Variants in TENM2 observed in about 807,000 individuals in gnomAD.
TENM2 encodes teneurin transmembrane protein 2, also known as teneurin-2.
Under a neutral mutation model 245.2 loss-of-function variants are expected in TENM2, and 52 were observed. The ratio of observed to expected loss-of-function variants is 0.21; its 90% CI spans 0.17 to 0.27. The LOEUF is 0.27. Among genes scored for constraint, TENM2 ranks in the 10% least tolerant of loss-of-function variants. The pLI is 1.00. For missense variants in TENM2, 3,046 were observed against 3,666.8 expected (o/e 0.83, Z 4.37); for synonymous variants, 1,363 against 1,438.9 (o/e 0.95, Z 1.19).
chr5:167,924,161 A>G (rs1777575251), intron 3 of TENM2, among the ~76,000 whole-genome samples: 1 of 152,204 alleles, frequency 6.6e-6, no homozygotes. Context: ...CCCCACATCC[A>G]AACATCAGTC....
chr5:167,468,972 G>A (rs998917098), intron 2 of TENM2, among the ~76,000 whole-genome samples: 9 of 152,072 alleles, frequency 5.9e-5, no homozygotes, highest in Non-Finnish European at 4.4e-5. Flanking sequence ...AAACATCTCT[G>A]TCTTCCTGAA....
intron 11 of TENM2, 38 bp from the exon 14 acceptor site, chr5:168,126,716 G>C (rs780785573): frequency 6.5e-7 from 1 of 1,548,910 alleles, no homozygotes; most frequent in Non-Finnish European, 8.8e-7. Flanking sequence ...GGTTTCACCA[G>C]CTGTGGTGTT....
intron 2 of TENM2, among the ~76,000 whole-genome samples, chr5:167,511,460 T>A (rs1277542919): frequency 6.6e-6 from 1 of 152,220 alleles, no homozygotes; most frequent in East Asian, 1.9e-4. Flanking sequence ...TCACCCTTAA[T>A]GCTTGTTTGC....
intron 17 of TENM2, among the ~76,000 whole-genome samples, chr5:168,201,792 C>G (rs1238739434): frequency 6.6e-6 from 1 of 152,160 alleles, no homozygotes; most frequent in Non-Finnish European, 1.5e-5. Flanking sequence ...CTCTCTCTCT[C>G]TAACCTTTAT....
chr5:167,929,299 T>C (rs1436109349), intron 3 of TENM2, among the ~76,000 whole-genome samples: 8 of 152,046 alleles, frequency 5.3e-5, no homozygotes, highest in South Asian at 4.1e-4. Flanking sequence ...GGATGATTCC[T>C]AGACTGTTTA....
At chr5:167,147,846 A>G in the TENM2 span, among the ~76,000 whole-genome samples, 1 of 152,202 alleles carries the variant, frequency 6.6e-6, no homozygotes, top group Admixed American at 6.6e-5. Context: ...ATAAACACCA[A>G]AAGTCATGAT....
chr5:167,403,564 CA>C (rs1762476734), intron 2 of TENM2, among the ~76,000 whole-genome samples: 2 of 152,008 alleles, frequency 1.3e-5, no homozygotes, highest in Non-Finnish European at 2.9e-5. Flanking sequence ...ATAGACAGAA[CA>C]AAAAACTTTT....
chr5:167,072,422 A>G, the TENM2 span, among the ~76,000 whole-genome samples: 3 of 152,068 alleles, frequency 2.0e-5, no homozygotes, highest in Non-Finnish European at 4.4e-5. Flanking sequence ...GTTGGTGCGG[A>G]GGGCAGGGAA....
At chr5:167,482,570 G>T (rs1295471601) in intron 2 of TENM2, among the ~76,000 whole-genome samples, 1 of 151,986 alleles carries the variant, frequency 6.6e-6, no homozygotes, top group Admixed American at 6.6e-5. Context: ...TGGATAACAC[G>T]CCCTAATTTT....
chr5:167,697,045 A>G (rs879623281), intron 2 of TENM2, among the ~76,000 whole-genome samples: 1 of 152,174 alleles, frequency 6.6e-6, no homozygotes, highest in Non-Finnish European at 1.5e-5. Context: ...TCTTCCTTCC[A>G]GCCCTTACCC....
chr5:167,447,200 A>G (rs529998175), intron 2 of TENM2, among the ~76,000 whole-genome samples: 21 of 152,322 alleles, frequency 1.4e-4, no homozygotes, highest in Non-Finnish European at 2.6e-4. Flanking sequence ...CTCAATTTCT[A>G]TCCTATGAAA....
At chr5:167,445,369 A>AGAGTGAGTGAGT (rs35699708) in intron 2 of TENM2, among the ~76,000 whole-genome samples, 1 of 98,578 alleles carries the variant, frequency 1.0e-5, no homozygotes, top group African/African-American at 5.1e-5. Flanking sequence ...AGAGAGAGAG[A>AGAGTGAGTGAGT]GTGTCAGGTG....
intron 3 of TENM2, among the ~76,000 whole-genome samples, chr5:167,880,117 C>T (rs577138730): frequency 6.6e-6 from 1 of 152,218 alleles, no homozygotes; most frequent in East Asian, 1.9e-4. Context: ...ACTGCAACCT[C>T]CGCCCCCCAG....
At chr5:167,770,182 T>G (rs1763310895) in intron 2 of TENM2, among the ~76,000 whole-genome samples, 1 of 152,174 alleles carries the variant, frequency 6.6e-6, no homozygotes, top group South Asian at 2.1e-4. Context: ...AGCCCCTACC[T>G]CATGGAGAAT....
At chr5:167,014,634 A>G in the TENM2 span, among the ~76,000 whole-genome samples, 2 of 152,242 alleles carry the variant, frequency 1.3e-5, no homozygotes, top group South Asian at 2.1e-4. Flanking sequence ...AAGAACCCAG[A>G]CTGGGTACTC....
At chr5:168,123,683 C>T (rs972566288) in intron 10 of TENM2, among the ~76,000 whole-genome samples, 10 of 152,166 alleles carry the variant, frequency 6.6e-5, no homozygotes, top group African/African-American at 1.7e-4. Context: ...ATTTGGAAGC[C>T]GTGAAAACGG....
At chr5:167,887,830 G>C (rs940756041) in intron 3 of TENM2, among the ~76,000 whole-genome samples, 5 of 152,144 alleles carry the variant, frequency 3.3e-5, no homozygotes, top group Non-Finnish European at 7.4e-5. Context: ...CAGTTCTAGA[G>C]GCTACAAGTT....
At chr5:167,181,956 T>C in the TENM2 span, among the ~76,000 whole-genome samples, 6 of 152,186 alleles carry the variant, frequency 3.9e-5, no homozygotes, top group South Asian at 8.3e-4. Flanking sequence ...TTCTGTTTAT[T>C]TCTACAAGAA....
intron 2 of TENM2, among the ~76,000 whole-genome samples, chr5:167,755,992 A>G (rs968384416): frequency 6.6e-5 from 10 of 152,184 alleles, no homozygotes; most frequent in South Asian, 6.2e-4. Context: ...AGTTGCTCTC[A>G]TTTTATTAGG....
Sources: gnomAD v4.1 joint callset for allele counts (sites outside exome capture counted in the v4.1 genomes callset) on GRCh38, gnomAD v4.1.1 for gene constraint, MANE v1.5 for transcripts, NCBI Gene and HGNC (gene_info 2026-07-23, HGNC 2026-07-21) for gene names.